The following ATP8B4 variants were observed in gnomAD, a reference collection of about 807,000 sequenced individuals.
ATP8B4 encodes ATPase phospholipid transporting 8B4 (putative), also known as probable phospholipid-transporting ATPase IM.
In ATP8B4, 133 loss-of-function variants were observed where a neutral mutation model predicts 145.6. The observed-to-expected ratio is 0.91, with a 90% CI of 0.79 to 1.05. The LOEUF (loss-of-function observed/expected upper bound fraction) is 1.05, where lower values mean the gene tolerates loss of function less well. ATP8B4 is among the 50% of genes least tolerant of loss of function. ATP8B4 has a pLI of 0.00. For synonymous variants in ATP8B4, 507 were observed against 492.9 expected (o/e 1.03, Z -0.38); for missense variants, 1,458 against 1,425.2 (o/e 1.02, Z -0.37).
chr15:50,097,549 C>G (rs1475797724), intron 2 of ATP8B4, among the ~76,000 whole-genome samples: 1 of 152,170 alleles, frequency 6.6e-6, no homozygotes, highest in Non-Finnish European at 1.5e-5. Context: ...TAAACTTCAA[C>G]CAAAGCAACT....
chr15:50,142,825 G>A (rs1336888990), intron 1 of ATP8B4, among the ~76,000 whole-genome samples: 1 of 152,166 alleles, frequency 6.6e-6, no homozygotes, highest in Non-Finnish European at 1.5e-5. Flanking sequence ...TGCAGGGAGG[G>A]AGAGGCAAAG....
chr15:50,145,322 T>C (rs549282243), intron 1 of ATP8B4, among the ~76,000 whole-genome samples: 129 of 152,402 alleles, frequency 8.5e-4, no homozygotes, highest in Non-Finnish European at 1.6e-3. Flanking sequence ...TTTGAGAGGC[T>C]ATCAAATCAC....
At chr15:50,181,161 C>T (rs2044841733) in intron 1 of ATP8B4, among the ~76,000 whole-genome samples, 1 of 152,146 alleles carries the variant, frequency 6.6e-6, no homozygotes, top group African/African-American at 2.4e-5. Flanking sequence ...AAGCTCCTAG[C>T]AGCGTGTCTG....
chr15:50,152,250 G>A (rs1172956036), intron 1 of ATP8B4, among the ~76,000 whole-genome samples: 1 of 152,270 alleles, frequency 6.6e-6, no homozygotes, highest in East Asian at 1.9e-4. Context: ...ACCTAAAACA[G>A]TAACTATGGA....
At chr15:49,980,806 G>A (rs2046085571) in intron 11 of ATP8B4, among the ~76,000 whole-genome samples, 1 of 152,182 alleles carries the variant, frequency 6.6e-6, no homozygotes, top group Non-Finnish European at 1.5e-5. Flanking sequence ...TCTGAGTGTG[G>A]GGCCCTGTGT....
chr15:49,898,209 G>C lies in ATP8B4; in HGVS notation c.2332C>G (p.Leu778Val), dbSNP rs1434784093. Reference protein sequence around the residue: ...ESDVKNDLLELACMCKTVICC... With the variant: ...ESDVKNDLLEVACMCKTVICC... ...ATTACAGTCTTACACATGCAAGCAA[G>C]TTCTAGGAGATCATTCTTGACATCA... is the stretch of plus-strand genomic sequence containing the variant. Residue 778 changes from leucine to valine, a missense_variant, in exon 22 of 28, where the codon CTT becomes GTT. By Grantham distance (32) the Leu-to-Val change is conservative. Coordinates refer to ENST00000284509, the MANE Select transcript of ATP8B4 (RefSeq NM_024837.4). 5 of 1,613,802 alleles carry C rather than the reference G, an allele frequency of 3.1e-6. No homozygotes were observed. Among genetic ancestry groups the C allele is most frequent in the African/African-American group, 1.3e-5 (1 of 75,030 alleles).
chr15:50,013,532 T>C (rs2048870530), intron 6 of ATP8B4, among the ~76,000 whole-genome samples: 1 of 152,166 alleles, frequency 6.6e-6, no homozygotes, highest in African/African-American at 2.4e-5. Flanking sequence ...AACTCTGACA[T>C]AATCTAGTTA....
chr15:49,942,046 A>T lies in ATP8B4; in HGVS notation c.1288-7864T>A, dbSNP rs112928555. Among the ~76,000 whole-genome samples the T allele has an allele frequency of 5.7e-3, 857 of 150,782 alleles. 4 individuals are homozygous for T. Among genetic ancestry groups the T allele is most frequent in the Middle Eastern group, 0.014 (4 of 292 alleles). ...AGACATTGCAGATTCAGAAGTGAGG[A>T]GGGTGGGAAGAGGGTAAGCGATAAA... On this transcript the variant is annotated intron_variant, in intron 14 of 27. Coordinates refer to ENST00000284509, the MANE Select transcript of ATP8B4 (RefSeq NM_024837.4).
upstream of ATP8B4, among the ~76,000 whole-genome samples, chr15:50,123,888 C>T (rs1176768891): frequency 6.6e-6 from 1 of 152,042 alleles, no homozygotes; most frequent in East Asian, 1.9e-4. Context: ...TTTCCATACA[C>T]CATAAAACAG....
chr15:50,166,362 G>C (rs910826241), intron 1 of ATP8B4, among the ~76,000 whole-genome samples: 1 of 152,098 alleles, frequency 6.6e-6, no homozygotes, highest in Non-Finnish European at 1.5e-5. Context: ...ACACAAGTAA[G>C]CACTAAATTA....
intron 10 of ATP8B4, 93 bp downstream of exon 10, chr15:49,987,298 C>T: frequency 7.1e-7 from 1 of 1,417,912 alleles, no homozygotes; most frequent in Non-Finnish European, 9.5e-7. Context: ...AATGAAAGCA[C>T]TGCGCTCATC....
chr15:50,008,130 C>T (rs1277404986), intron 7 of ATP8B4, among the ~76,000 whole-genome samples: 29 of 152,154 alleles, frequency 1.9e-4, no homozygotes, highest in Admixed American at 1.7e-3. Flanking sequence ...TTGCCCTGGC[C>T]CTCCCAATAC....
chr15:50,056,912 G>A (rs2153618007), intron 3 of ATP8B4, among the ~76,000 whole-genome samples: 1 of 151,702 alleles, frequency 6.6e-6, no homozygotes, highest in South Asian at 2.1e-4. Flanking sequence ...TTTTTATTGA[G>A]ACAGAGTCTC....
At chr15:50,044,558 T>C (rs575542812) in intron 5 of ATP8B4, 36 bp downstream of exon 5, 6 of 1,422,090 alleles carry the variant, frequency 4.2e-6, no homozygotes, top group African/African-American at 2.9e-5. Flanking sequence ...ACAACTGAAA[T>C]TGAGACCTCA....
chr15:50,155,804 A>G (rs372337172), intron 1 of ATP8B4, among the ~76,000 whole-genome samples: 1 of 151,990 alleles, frequency 6.6e-6, no homozygotes, highest in East Asian at 1.9e-4. Context: ...AGTTAATAAA[A>G]AGAATAGGTA....
chr15:49,888,289 A>G (rs1451336848), intron 23 of ATP8B4, among the ~76,000 whole-genome samples: 1 of 152,212 alleles, frequency 6.6e-6, no homozygotes, highest in Non-Finnish European at 1.5e-5. Context: ...CAAATCCATG[A>G]AGTCATCAAA....
At chr15:50,001,438 C>T (rs186080543) in intron 8 of ATP8B4, among the ~76,000 whole-genome samples, 148 of 152,306 alleles carry the variant, frequency 9.7e-4, no homozygotes, top group African/African-American at 3.5e-3. Context: ...ACTCTGGTGT[C>T]AGACTGCCAG....
At chr15:49,904,801 A>G (rs984270048) in intron 20 of ATP8B4, among the ~76,000 whole-genome samples, 3 of 152,236 alleles carry the variant, frequency 2.0e-5, no homozygotes, top group African/African-American at 7.2e-5. Flanking sequence ...ATACTGATGC[A>G]TATTTTGCTG....
At chr15:49,993,669 T>C (rs1458260607) in intron 9 of ATP8B4, among the ~76,000 whole-genome samples, 2 of 152,140 alleles carry the variant, frequency 1.3e-5, no homozygotes, top group African/African-American at 2.4e-5. Context: ...AAACAGGAAA[T>C]TATATTTTTA....
Sources: gnomAD v4.1 joint callset for allele counts (sites outside exome capture counted in the v4.1 genomes callset) on GRCh38, gnomAD v4.1.1 for gene constraint, MANE v1.5 for transcripts, NCBI Gene and HGNC (gene_info 2026-07-23, HGNC 2026-07-21) for gene names.